The following PCSK5 variants were observed in gnomAD, a reference collection of about 807,000 sequenced individuals.
The protein encoded by PCSK5 is prohormone convertase 5.
A neutral mutation model predicts 233.2 loss-of-function variants in PCSK5; 129 were observed. That is an observed-to-expected ratio of 0.55 (90% CI 0.48 to 0.64). PCSK5 has a LOEUF of 0.64. Among genes scored for constraint, PCSK5 ranks in the 30% least tolerant of loss-of-function variants. The probability of loss-of-function intolerance (pLI) is 0.00; values close to 1 mark genes in which losing one functional copy is unlikely to be tolerated. For synonymous variants in PCSK5, 825 were observed against 879.2 expected (o/e 0.94, Z 1.09); for missense variants, 2,076 against 2,430.1 (o/e 0.85, Z 3.06).
In PCSK5 at chr9:76,273,564, A is replaced by AATATATATATATATATATATATATAT. The variant is rs1336491411; in HGVS notation, c.3143-18658_3143-18657insTATATATATATATATATATATATATA. Among the ~76,000 whole-genome samples the AATATATATATATATATATATATATAT allele has an allele frequency of 3.2e-3, 236 of 74,620 alleles. 7 individuals are homozygous for AATATATATATATATATATATATATAT. Among genetic ancestry groups the AATATATATATATATATATATATATAT allele is most frequent in the South Asian group, 4.1e-3 (9 of 2,186 alleles). The allele number at this position is 74,620 out of a possible 152,430, so 49.0% of individuals were successfully genotyped here. On this transcript the variant is annotated intron_variant, in intron 24 of 37. Coordinates refer to ENST00000674117, the MANE Select transcript of PCSK5 (RefSeq NM_001372043.1). ...TCTTCTTATAGATTAACAAAATAGTAATATATATATACATATATATATATA... is the reference window on the plus strand; with the variant it reads ...TCTTCTTATAGATTAACAAAATAGTAATATATATATATATATATATATATATATATATATATACATATATATATATA...
At chr9:76,004,034 G>T (rs1029233976) in intron 3 of PCSK5, among the ~76,000 whole-genome samples, 1 of 152,116 alleles carries the variant, frequency 6.6e-6, no homozygotes, top group African/African-American at 2.4e-5. Flanking sequence ...CTGGCCTCAG[G>T]TGATCCTCCT....
intron 5 of PCSK5, among the ~76,000 whole-genome samples, chr9:76,029,779 G>T (rs558666473): frequency 2.4e-4 from 36 of 152,278 alleles, no homozygotes; most frequent in Middle Eastern, 3.4e-3. Context: ...CAGGAACCCT[G>T]TAGAGGAGGT....
intron 1 of PCSK5, among the ~76,000 whole-genome samples, chr9:75,930,373 A>T (rs1255622914): frequency 6.6e-6 from 1 of 152,182 alleles, no homozygotes; most frequent in Non-Finnish European, 1.5e-5. Flanking sequence ...GGCCAGAGAG[A>T]GGCTGGGCCA....
At position 76,015,032 on chromosome 9, in the gene PCSK5, T is replaced by G. The variant is rs564749721; in HGVS notation, c.412-8706T>G. 3.3e-5 allele frequency among the ~76,000 whole-genome samples: 5 copies of G among 152,220 alleles called. No individual in the cohort carries two copies. The East Asian group carries it at 9.7e-4, about 29-fold the overall frequency. On this transcript the variant is annotated intron_variant, in intron 3 of 37. Transcript: ENST00000674117. Reference sequence around the variant, plus strand: ...TCATGTGATAATGGGGGCTGAGAAGTCCTGTGATCTGATATCTGCAAGATG... The same window carrying G: ...TCATGTGATAATGGGGGCTGAGAAGGCCTGTGATCTGATATCTGCAAGATG...
chr9:75,992,377 T>C (rs1826806205), intron 3 of PCSK5, among the ~76,000 whole-genome samples: 1 of 152,246 alleles, frequency 6.6e-6, no homozygotes, highest in Non-Finnish European at 1.5e-5. Context: ...ACAGTTGGGC[T>C]ATTGCATAGT....
intron 20 of PCSK5, among the ~76,000 whole-genome samples, chr9:76,209,215 T>C (rs1245096072): frequency 6.6e-6 from 1 of 152,184 alleles, no homozygotes; most frequent in Non-Finnish European, 1.5e-5. Context: ...TCAGAACAAC[T>C]CCAGCGTAAT....
intron 20 of PCSK5, among the ~76,000 whole-genome samples, chr9:76,224,163 TA>T (rs1401098768): frequency 6.6e-6 from 1 of 152,198 alleles, no homozygotes; most frequent in Non-Finnish European, 1.5e-5. Flanking sequence ...AAACAAGTTT[TA>T]CAAGTCCCTT....
At chr9:75,973,254 A>G (rs1175186492) in intron 2 of PCSK5, among the ~76,000 whole-genome samples, 2 of 152,238 alleles carry the variant, frequency 1.3e-5, no homozygotes, top group Non-Finnish European at 2.9e-5. Context: ...AAAAACAACC[A>G]TCAACATCTA....
intron 1 of PCSK5, among the ~76,000 whole-genome samples, chr9:75,932,013 A>G (rs1470353504): frequency 1.3e-5 from 2 of 152,218 alleles, no homozygotes; most frequent in Non-Finnish European, 2.9e-5. Flanking sequence ...ATGTGTTTTT[A>G]TAACTAGATA....
chr9:76,026,601 T>C (rs1329045528), intron 4 of PCSK5, among the ~76,000 whole-genome samples: 5 of 152,078 alleles, frequency 3.3e-5, no homozygotes, highest in Non-Finnish European at 5.9e-5. Flanking sequence ...TGTGCCTAGG[T>C]AGTCAAGGTG....
intron 5 of PCSK5, among the ~76,000 whole-genome samples, chr9:76,053,896 CTG>C (rs1373699455): frequency 2.0e-5 from 3 of 152,162 alleles, no homozygotes; most frequent in African/African-American, 7.2e-5. Flanking sequence ...TACCAATTTA[CTG>C]TGTTAGTCTG....
rs1341072695 is a variant in PCSK5, at chr9:76,291,399, C to G, written c.3143-834C>G. On this transcript the variant is annotated intron_variant, in intron 24 of 37. Transcript: ENST00000674117. ...CCAAGAGGAACGTTTTAAGGAGGAA[C>G]AGTTGTCTTTCATCTCCTATTAAAA... Among the ~76,000 whole-genome samples, 2 of 152,166 alleles carry G rather than the reference C, an allele frequency of 1.3e-5. 1 individual carries two copies. Among genetic ancestry groups the G allele is most frequent in the South Asian group, 4.1e-4 (2 of 4,826 alleles).
At position 76,159,076 on chromosome 9, in the gene PCSK5, C is replaced by T. The variant is rs752217712; in HGVS notation, c.1524C>T (p.Val508=). Residue 508 remains valine (V), a synonymous_variant, in exon 12 of 38, where the codon GTC becomes GTT. Transcript: ENST00000674117. ...GCCATGTCAACTACCTGGAGCACGT[C>T]GTTGTGCGCATCACCATCACCCACC... The part of the protein sequence containing the change: ...PNRHVNYLEH[V]VVRITITHPR... 5.6e-6 allele frequency: 9 copies of T among 1,614,100 alleles called. No homozygotes were observed. Among genetic ancestry groups the T allele is most frequent in the East Asian group, 4.5e-5 (2 of 44,864 alleles).
chr9:76,204,514 C>G (rs1825037289), intron 20 of PCSK5, among the ~76,000 whole-genome samples: 2 of 151,656 alleles, frequency 1.3e-5, no homozygotes, highest in African/African-American at 4.8e-5. Context: ...CCTTCTCTGG[C>G]CTTCCTTTAG....
At chr9:76,064,533 A>G (rs1274839805) in intron 5 of PCSK5, among the ~76,000 whole-genome samples, 1 of 148,756 alleles carries the variant, frequency 6.7e-6, no homozygotes, top group African/African-American at 2.5e-5. Flanking sequence ...TCCCTCCCGG[A>G]CGGGGTGGCT....
intron 35 of PCSK5, among the ~76,000 whole-genome samples, chr9:76,349,048 G>A (rs1830048750): frequency 6.6e-6 from 1 of 151,964 alleles, no homozygotes; most frequent in Non-Finnish European, 1.5e-5. Context: ...GAGGTGGGAG[G>A]ATCACCAGGT....
At chr9:76,159,815 C>T (rs1335496238) in intron 12 of PCSK5, among the ~76,000 whole-genome samples, 5 of 124,764 alleles carry the variant, frequency 4.0e-5, no homozygotes, top group Admixed American at 3.8e-4. Context: ...CCTCTTCAGT[C>T]CTTTTTTTTT....
intron 21 of PCSK5, among the ~76,000 whole-genome samples, chr9:76,230,656 C>A (rs1826051488): frequency 6.6e-6 from 1 of 152,186 alleles, no homozygotes; most frequent in Admixed American, 6.5e-5. Context: ...CTCCCCGTTG[C>A]TCATATTACT....
chr9:76,187,917 G>A (rs913167665), intron 17 of PCSK5, among the ~76,000 whole-genome samples: 1 of 152,156 alleles, frequency 6.6e-6, no homozygotes, highest in African/African-American at 2.4e-5. Flanking sequence ...GATGATTGGG[G>A]AAATAGCAGT....
Sources: allele counts gnomAD v4.1 joint callset (sites outside exome capture counted in the v4.1 genomes callset), GRCh38; gene constraint gnomAD v4.1.1; transcripts MANE v1.5; gene names NCBI Gene and HGNC (gene_info 2026-07-23, HGNC 2026-07-21).